FLT1: variants seen among roughly 807,000 people sequenced by gnomAD.
FLT1 encodes fms related receptor tyrosine kinase 1, also known as vascular endothelial growth factor receptor 1.
FLT1 carries 49 observed loss-of-function variants against 156.3 expected under a neutral mutation model. The ratio of observed to expected loss-of-function variants is 0.31; its 90% CI spans 0.25 to 0.40. The LOEUF is 0.40. FLT1 is among the 10% of genes least tolerant of loss of function. The pLI is 1.00. For synonymous variants in FLT1, 594 were observed against 583.8 expected, an observed-to-expected ratio of 1.02 and a Z score of -0.25; for missense variants, 1,322 against 1,637.2, an observed-to-expected ratio of 0.81 and a Z score of 3.32.
chr13:28,425,859 A>G (rs986249789), intron 10 of FLT1, among the ~76,000 whole-genome samples: 1 of 152,198 alleles, frequency 6.6e-6, no homozygotes, highest in Non-Finnish European at 1.5e-5. Flanking sequence ...TCACTGTCTT[A>G]TGTGTTAAAC....
chr13:28,372,564 ATG>A (rs1453821493), intron 14 of FLT1, among the ~76,000 whole-genome samples: 2 of 56,612 alleles, frequency 3.5e-5, no homozygotes, highest in African/African-American at 6.6e-5. Context: ...TTTAAATAAA[ATG>A]TATATATATA....
At chr13:28,358,200 C>T (rs145641877) in intron 14 of FLT1, among the ~76,000 whole-genome samples, 2 of 152,248 alleles carry the variant, frequency 1.3e-5, no homozygotes, top group Non-Finnish European at 2.9e-5. Context: ...TCACCAAGAG[C>T]ATGCAGTTTG....
chr13:28,316,156 C>T (rs1005667309), intron 25 of FLT1, among the ~76,000 whole-genome samples: 8 of 152,372 alleles, frequency 5.3e-5, no homozygotes, highest in Non-Finnish European at 8.8e-5. Context: ...CGCTTCCCTA[C>T]GCTCAGGCAG....
intron 1 of FLT1, among the ~76,000 whole-genome samples, chr13:28,476,368 C>T (rs1174582978): frequency 6.6e-6 from 1 of 152,142 alleles, no homozygotes; most frequent in Non-Finnish European, 1.5e-5. Flanking sequence ...TGACTAATCC[C>T]TTATGCAGAT....
chr13:28,477,242 C>T (rs1046544633), intron 1 of FLT1, among the ~76,000 whole-genome samples: 3 of 152,166 alleles, frequency 2.0e-5, no homozygotes, highest in Admixed American at 1.3e-4. Context: ...AGGCCTGTCA[C>T]CAGGCTACCA....
At chr13:28,331,966 C>A (rs1871950115) in intron 18 of FLT1, among the ~76,000 whole-genome samples, 1 of 152,186 alleles carries the variant, frequency 6.6e-6, no homozygotes, top group African/African-American at 2.4e-5. Context: ...TGGCTCACGC[C>A]TGTAATCCCA....
At chr13:28,393,448 G>T (rs1241233093) in intron 12 of FLT1, among the ~76,000 whole-genome samples, 1 of 152,174 alleles carries the variant, frequency 6.6e-6, no homozygotes, top group Non-Finnish European at 1.5e-5. Flanking sequence ...TTACCAGGAA[G>T]TTCTGCTTGT....
rs1162195902 is a variant in FLT1 at position 28,372,813 on chromosome 13, C to T, written c.2116+12072G>A. On this transcript the variant is annotated intron_variant, in intron 14 of 29. Transcript: ENST00000282397. ...AGGAGAATCGCTTGAACCCAGGAGG[C>T]GGAGCTTGCAGTGAGCAGAGATCAT... Among the ~76,000 whole-genome samples, 4 of 151,452 alleles carry T rather than the reference C, an allele frequency of 2.6e-5. No homozygotes were observed. The East Asian group carries it at 5.9e-4, about 22-fold the overall frequency.
intron 11 of FLT1, among the ~76,000 whole-genome samples, chr13:28,398,282 G>A (rs1875187892): frequency 6.6e-6 from 1 of 152,160 alleles, no homozygotes; most frequent in South Asian, 2.1e-4. Flanking sequence ...CAGACTAATA[G>A]AGTGTCCTTG....
rs1191773550 is a variant in FLT1, at chr13:28,302,024, T to C, written c.*1143A>G. Reference sequence around the variant, plus strand: ...AAGGAAACGTGACTGACTTCCTGTGTTTTGGGTCCCAACTGTGTTGGTGAA... The same window carrying C: ...AAGGAAACGTGACTGACTTCCTGTGCTTTGGGTCCCAACTGTGTTGGTGAA... On this transcript the variant is annotated 3_prime_UTR_variant, in exon 30 of 30. Coordinates refer to ENST00000282397, the MANE Select transcript of FLT1 (RefSeq NM_002019.4). 4.3e-6 allele frequency: 1 copy of C among 233,474 alleles called. No individual in the cohort carries two copies. 14.5% of individuals were successfully genotyped at this position (233,474 alleles called of 1,614,324 possible).
intron 1 of FLT1, among the ~76,000 whole-genome samples, chr13:28,478,476 G>A (rs1880670765): frequency 6.6e-6 from 1 of 152,206 alleles, no homozygotes; most frequent in African/African-American, 2.4e-5. Context: ...TAGAAGGAAA[G>A]TCTCACAGAA....
chr13:28,341,216 G>C (rs1872320379), intron 16 of FLT1, among the ~76,000 whole-genome samples: 1 of 152,186 alleles, frequency 6.6e-6, no homozygotes, highest in South Asian at 2.1e-4. Flanking sequence ...TAAGGCAGGT[G>C]AGAGGAGACA....
At chr13:28,467,706 TTTTA>T (rs1224493606) in intron 1 of FLT1, 89 bp from the exon 2 acceptor site, 1 of 686,096 alleles carries the variant, frequency 1.5e-6, no homozygotes, top group Non-Finnish European at 2.5e-6. Context: ...AGTTTTTCAT[TTTTA>T]ATTTATTTAC....
At chr13:28,413,633 C>T (rs963651471) in intron 10 of FLT1, among the ~76,000 whole-genome samples, 6 of 152,078 alleles carry the variant, frequency 3.9e-5, no homozygotes, top group African/African-American at 1.4e-4. Flanking sequence ...GGAGTGCCTA[C>T]AAAAAATATC....
intron 10 of FLT1, among the ~76,000 whole-genome samples, chr13:28,418,051 T>C (rs933876109): frequency 2.6e-5 from 4 of 152,158 alleles, no homozygotes; most frequent in Non-Finnish European, 5.9e-5. Flanking sequence ...AATGAGAGAA[T>C]GGGGCTTCCC....
At chr13:28,323,451 A>C (rs906910979) in intron 20 of FLT1, among the ~76,000 whole-genome samples, 1 of 152,132 alleles carries the variant, frequency 6.6e-6, no homozygotes, top group African/African-American at 2.4e-5. Context: ...CGGGAGTTTG[A>C]GATCAGCCTG....
At chr13:28,415,339 G>A (rs1466321359) in intron 10 of FLT1, among the ~76,000 whole-genome samples, 1 of 152,138 alleles carries the variant, frequency 6.6e-6, no homozygotes, top group South Asian at 2.1e-4. Flanking sequence ...AAATTAGCCA[G>A]GCGTGGTGGC....
At chr13:28,371,178 A>G (rs779965994) in intron 14 of FLT1, among the ~76,000 whole-genome samples, 3 of 152,184 alleles carry the variant, frequency 2.0e-5, no homozygotes, top group East Asian at 1.9e-4. Flanking sequence ...GGTTTCCCAT[A>G]TAAGCCCACT....
intron 4 of FLT1, among the ~76,000 whole-genome samples, chr13:28,437,798 T>C (rs1254443399): frequency 2.0e-5 from 3 of 152,228 alleles, no homozygotes; most frequent in Admixed American, 6.5e-5. Flanking sequence ...TGGCTCCTTA[T>C]GCATGAAGCC....
Sources: allele counts gnomAD v4.1 joint callset (sites outside exome capture counted in the v4.1 genomes callset), GRCh38; gene constraint gnomAD v4.1.1; transcripts MANE v1.5; gene names NCBI Gene and HGNC (gene_info 2026-07-23, HGNC 2026-07-21).